ZNF514: variants seen among roughly 807,000 people sequenced by gnomAD.
The protein encoded by ZNF514 is zinc finger protein 514.
ZNF514 carries 12 observed loss-of-function variants against 9.7 expected under a neutral mutation model. The observed-to-expected ratio is 1.24, with a 90% CI of 0.79 to 2.01. The LOEUF (loss-of-function observed/expected upper bound fraction) is 2.01, where lower values mean the gene tolerates loss of function less well. ZNF514 is among the 30% of genes most tolerant of loss of function. The pLI is 0.00. For missense variants in ZNF514, 467 were observed against 465.5 expected, an observed-to-expected ratio of 1.00 and a Z score of -0.03; for synonymous variants, 158 against 163.7, an observed-to-expected ratio of 0.97 and a Z score of 0.27.
chr2:95,150,361 A>C, intron 4 of ZNF514, 94 bp from the exon 5 acceptor site: 2 of 1,357,072 alleles, frequency 1.5e-6, no homozygotes, highest in Non-Finnish European at 2.0e-6. Flanking sequence ...ATGTGAAATA[A>C]TTAAGCTTTA....
rs760385317 is a variant in ZNF514, at chr2:95,149,492, G to C, written c.993C>G (p.Leu331=). 96 of 1,613,440 alleles carry C rather than the reference G, an allele frequency of 6.0e-5. No individual in the cohort carries two copies. The highest frequency in any genetic ancestry group is 4.7e-5 in the Non-Finnish European group (56 of 1,179,904). Residue 331 remains leucine (L), a synonymous_variant, in exon 5 of 5, where the codon CTC becomes CTG. Transcript: ENST00000295208. ...CGRTFSQSSS[L]IVHYRFHTGE... ...CAGTATGAAATCTGTAATGCACAAT[G>C]AGTGATGAGCTCTGGCTGAAGGTTC... is the stretch of plus-strand genomic sequence containing the variant.
At chr2:95,136,050 G>A in the ZNF514 span, among the ~76,000 whole-genome samples, 7 of 151,924 alleles carry the variant, frequency 4.6e-5, no homozygotes, top group Non-Finnish European at 7.4e-5. Flanking sequence ...GCGACAGAGC[G>A]AGACTCCATC....
chr2:95,139,847 G>C, the ZNF514 span, among the ~76,000 whole-genome samples: 2 of 152,156 alleles, frequency 1.3e-5, no homozygotes, highest in Non-Finnish European at 2.9e-5. Context: ...AATGTTGAGG[G>C]TGGGGCCTGG....
intron 4 of ZNF514, among the ~76,000 whole-genome samples, chr2:95,151,918 C>T (rs536602941): frequency 3.3e-5 from 5 of 152,342 alleles, no homozygotes; most frequent in Non-Finnish European, 5.9e-5. Context: ...TCTGCCATAA[C>T]CTAGTTCCCT....
the ZNF514 span, among the ~76,000 whole-genome samples, chr2:95,132,357 C>T: frequency 1.3e-5 from 2 of 151,946 alleles, no homozygotes; most frequent in Admixed American, 6.6e-5. Context: ...AAGGCAAAGA[C>T]GTACATGAAA....
chr2:95,125,597 C>G, the ZNF514 span, among the ~76,000 whole-genome samples: 1 of 152,300 alleles, frequency 6.6e-6, no homozygotes, highest in East Asian at 1.9e-4. Context: ...CGTTGTTGTG[C>G]TACCATCACC....
Position 95,147,391 on chromosome 2 carries a change from A to G in ZNF514, c.*1891T>C, listed in dbSNP as rs1443467631. On this transcript the variant is annotated 3_prime_UTR_variant, in exon 5 of 5. Coordinates refer to ENST00000295208, the MANE Select transcript of ZNF514 (RefSeq NM_032788.3). ...CATAAAATCTGCCCATATAAAGTGA[A>G]CAATTCAATGATTTTTAGTGAAGTT... 2 of 152,210 alleles carry G rather than the reference A, an allele frequency of 1.3e-5. No homozygotes were observed. Among genetic ancestry groups the G allele is most frequent in the African/African-American group, 4.8e-5 (2 of 41,462 alleles). 9.4% of individuals were successfully genotyped at this position (152,210 alleles called of 1,614,324 possible).
Position 95,159,237 on chromosome 2 carries a change from T to G in ZNF514, c.-96+3A>C. 5.2e-6 allele frequency: 1 copy of G among 192,580 alleles called. No homozygotes were observed. The highest frequency in any genetic ancestry group is 1.1e-5 in the Non-Finnish European group (1 of 93,476). The allele number at this position is 192,580 out of a possible 1,614,324, so 11.9% of individuals were successfully genotyped here. On this transcript the variant is annotated splice_donor_region_variant and intron_variant, in intron 1 of 4. Transcript: ENST00000295208. The stretch of plus-strand genomic sequence containing the variant: ...TCTTCCCTCGCCAAGTCCGGCCTCC[T>G]ACCCCCGGCTCGGCTCCTCCTCAGG...
chr2:95,131,377 C>G, the ZNF514 span, among the ~76,000 whole-genome samples: 4 of 152,190 alleles, frequency 2.6e-5, no homozygotes, highest in South Asian at 8.3e-4. Context: ...TCAAACAAAC[C>G]GGTACCTCCT....
chr2:95,143,750 T>A (rs1673299521), downstream of ZNF514, among the ~76,000 whole-genome samples: 1 of 152,190 alleles, frequency 6.6e-6, no homozygotes, highest in African/African-American at 2.4e-5. Flanking sequence ...GTGGGCCACA[T>A]CTTGTGGGGG....
intron 2 of ZNF514, among the ~76,000 whole-genome samples, chr2:95,156,540 C>T (rs1673691689): frequency 6.6e-6 from 1 of 152,178 alleles, no homozygotes; most frequent in Non-Finnish European, 1.5e-5. Flanking sequence ...TTAACCTCTC[C>T]ACACTTTGGT....
At chr2:95,130,762 T>C in the ZNF514 span, among the ~76,000 whole-genome samples, 3 of 152,342 alleles carry the variant, frequency 2.0e-5, no homozygotes, top group South Asian at 6.2e-4. Context: ...CCACATTTCA[T>C]ATTGCTCAAA....
In ZNF514 at chr2:95,149,725, G is replaced by C; in HGVS notation, c.760C>G (p.His254Asp). Residue 254 changes from histidine (H) to aspartate (D), a missense_variant, in exon 5 of 5, where the codon CAT becomes GAT. His to Asp is a moderately conservative substitution (Grantham distance 81). Coordinates refer to ENST00000295208, the MANE Select transcript of ZNF514 (RefSeq NM_032788.3). ...CATTCATAGGGCTTTTCTCCAGTATGAGTTCTTTGATGTTTAATAAGGGAT... is the reference window on the plus strand; with the variant it reads ...CATTCATAGGGCTTTTCTCCAGTATCAGTTCTTTGATGTTTAATAAGGGAT... ...ISSLIKHQRT[H>D]TGEKPYECSE... 6.2e-7 allele frequency: 1 copy of C among 1,614,214 alleles called. No individual in the cohort carries two copies. Among genetic ancestry groups the C allele is most frequent in the Non-Finnish European group, 8.5e-7 (1 of 1,180,042 alleles).
At chr2:95,135,017 G>A in the ZNF514 span, among the ~76,000 whole-genome samples, 3 of 152,252 alleles carry the variant, frequency 2.0e-5, no homozygotes, top group Admixed American at 2.0e-4. Flanking sequence ...TTTGAAATTA[G>A]TAAGTGTGAG....
Position 95,149,059 on chromosome 2 carries a change from C to T in ZNF514, c.*223G>A, listed in dbSNP as rs1558699410. The T allele has an allele frequency of 7.7e-6, 4 of 516,412 alleles. No individual in the cohort carries two copies. The highest frequency in any genetic ancestry group is 1.0e-3 in the Middle Eastern group (2 of 1,988). 32.0% of individuals were successfully genotyped at this position (516,412 alleles called of 1,614,324 possible). On this transcript the variant is annotated 3_prime_UTR_variant, in exon 5 of 5. Transcript: ENST00000295208. The stretch of plus-strand genomic sequence containing the variant: ...AGCGTTCCCACATTCATTACATTCA[C>T]GTGGTTTCTCACTAGTATGGATTCT...
At chr2:95,153,070 G>C in intron 3 of ZNF514, 63 bp downstream of exon 3, 1 of 1,566,602 alleles carries the variant, frequency 6.4e-7, no homozygotes, top group Non-Finnish European at 8.7e-7. Context: ...GACACCACTA[G>C]CTCTTAAACA....
chr2:95,142,324 T>C (rs948084865), downstream of ZNF514, among the ~76,000 whole-genome samples: 1 of 152,210 alleles, frequency 6.6e-6, no homozygotes, highest in Non-Finnish European at 1.5e-5. Flanking sequence ...TAAACCCAGC[T>C]GTGGTTTTAC....
the ZNF514 span, among the ~76,000 whole-genome samples, chr2:95,125,431 G>A: frequency 6.6e-6 from 1 of 151,808 alleles, no homozygotes; most frequent in South Asian, 2.1e-4. Flanking sequence ...AGTAGAGACA[G>A]GTTTCACCAT....
At chr2:95,124,294 G>A in the ZNF514 span, among the ~76,000 whole-genome samples, 12 of 152,026 alleles carry the variant, frequency 7.9e-5, no homozygotes, top group East Asian at 2.3e-3. Context: ...TATATAAATG[G>A]AATCAGATAA....
Sources: allele counts gnomAD v4.1 joint callset (sites outside exome capture counted in the v4.1 genomes callset), GRCh38; gene constraint gnomAD v4.1.1; transcripts MANE v1.5; gene names NCBI Gene and HGNC (gene_info 2026-07-23, HGNC 2026-07-21).